Variants in TUBGCP2 observed in about 807,000 individuals in gnomAD.
TUBGCP2 encodes the protein gamma-tubulin complex component 2.
In TUBGCP2, 55 loss-of-function variants were observed where a neutral mutation model predicts 92.2. The ratio of observed to expected loss-of-function variants is 0.60; its 90% CI spans 0.48 to 0.75. TUBGCP2 has a LOEUF of 0.75. TUBGCP2 is among the 30% of genes least tolerant of loss of function. The pLI, the probability that TUBGCP2 is intolerant of heterozygous loss-of-function variation, is 0.00. For missense variants in TUBGCP2, 1,093 were observed against 1,188.9 expected, an observed-to-expected ratio of 0.92 and a Z score of 1.19; for synonymous variants, 533 against 505.2, an observed-to-expected ratio of 1.06 and a Z score of -0.74.
upstream of TUBGCP2, chr10:133,310,442 C>A: frequency 1.0e-6 from 1 of 987,236 alleles, no homozygotes. Flanking sequence ...GGCAACACAG[C>A]TACAGGTGGT....
chr10:133,311,712 G>A (rs758831478), upstream of TUBGCP2: 25 of 1,610,582 alleles, frequency 1.6e-5, no homozygotes, highest in South Asian at 7.7e-5. Flanking sequence ...CTCTCTCCCC[G>A]CAGCCCAGCC....
At chr10:133,308,674 G>T (rs1011568032) in intron 1 of TUBGCP2, 149 bp downstream of exon 1, 1 of 257,558 alleles carries the variant, frequency 3.9e-6, no homozygotes, top group East Asian at 7.0e-5. Context: ...AAGGGCTTCG[G>T]CCCCAGAGTT....
intron 5 of TUBGCP2, chr10:133,295,429 G>C (rs1225376504): frequency 6.6e-6 from 1 of 152,272 alleles, no homozygotes; most frequent in Non-Finnish European, 1.5e-5. Context: ...CCTAGGCAAC[G>C]AAGTGAGACC....
At position 133,288,846 on chromosome 10, in the gene TUBGCP2, T is replaced by C; in HGVS notation, c.1535A>G (p.His512Arg). 3 of 1,609,378 alleles carry C rather than the reference T, an allele frequency of 1.9e-6. No homozygotes were observed. The highest frequency in any genetic ancestry group is 2.5e-6 in the Non-Finnish European group (3 of 1,177,426). ...GGACAGGGCACGGAATCACCTGAGGTGAGCCACCAGCTCCTTCTCCTCCAT... is the reference window on the plus strand; with the variant it reads ...GGACAGGGCACGGAATCACCTGAGGCGAGCCACCAGCTCCTTCTCCTCCAT... The part of the protein sequence containing the change: ...FLMEEKELVA[H>R]LRSIKRYFLM... Residue 512 changes from histidine (H) to arginine (R), a missense_variant, in exon 10 of 18, where the codon CAC becomes CGC. By Grantham distance (29) the His-to-Arg change is conservative. This residue lies in a region of TUBGCP2 where 598 missense variants were observed against 675.5 expected (regional missense o/e 0.89). Coordinates refer to ENST00000252936, the MANE Select transcript of TUBGCP2 (RefSeq NM_006659.4).
chr10:133,301,055 G>A (rs3008349), intron 2 of TUBGCP2, among the ~76,000 whole-genome samples: 2 of 151,924 alleles, frequency 1.3e-5, no homozygotes, highest in Non-Finnish European at 1.5e-5. Flanking sequence ...TGTATTCCCC[G>A]CAGTAGTTTA....
chr10:133,305,885 C>A (rs566510907), intron 1 of TUBGCP2, among the ~76,000 whole-genome samples: 1 of 152,396 alleles, frequency 6.6e-6, no homozygotes, highest in South Asian at 2.1e-4. Context: ...GAGCCCCATG[C>A]AGTCTGGACA....
chr10:133,311,659 G>C (rs1847990474), upstream of TUBGCP2: 4 of 1,437,286 alleles, frequency 2.8e-6, no homozygotes, highest in Non-Finnish European at 3.8e-6. Flanking sequence ...CATTTCTGGG[G>C]AACACAGGGG....
intron 1 of TUBGCP2, among the ~76,000 whole-genome samples, chr10:133,306,102 C>T (rs1847812388): frequency 6.6e-6 from 1 of 152,230 alleles, no homozygotes; most frequent in Non-Finnish European, 1.5e-5. Context: ...GGCACCATTG[C>T]TCCCTGGAGG....
chr10:133,299,889 G>A, intron 3 of TUBGCP2, 96 bp downstream of exon 3: 3 of 1,507,458 alleles, frequency 2.0e-6, no homozygotes, highest in Non-Finnish European at 2.7e-6. Flanking sequence ...GCGAGGAAGA[G>A]CTGACAGGAA....
chr10:133,311,062 A>G (rs1847980246), upstream of TUBGCP2, among the ~76,000 whole-genome samples: 1 of 152,214 alleles, frequency 6.6e-6, no homozygotes, highest in Non-Finnish European at 1.5e-5. Flanking sequence ...TCAGCCTCCC[A>G]AAGTGCTGAG....
upstream of TUBGCP2, chr10:133,312,031 A>T: frequency 6.5e-7 from 1 of 1,532,906 alleles, no homozygotes; most frequent in Non-Finnish European, 8.8e-7. Flanking sequence ...TTTCTCTCGC[A>T]TACTCTGTTT....
At chr10:133,309,096 G>A (rs1403281727), upstream of TUBGCP2, 2 of 1,317,192 alleles carry the variant, frequency 1.5e-6, no homozygotes, top group Non-Finnish European at 1.9e-6. Context: ...AGTTCTTCGA[G>A]GTGCGTGAGC....
In TUBGCP2 at chr10:133,292,044, TCCGTGTCCCCCATGTCCCTCCGTGTCCC is replaced by T. The variant is rs1564939734; in HGVS notation, c.1214+427_1214+454del. On this transcript the variant is annotated intron_variant, in intron 8 of 17. Transcript: ENST00000252936. ...GTCCCTCTGTGTCCCTCCGTGTCCC[TCCGTGTCCCCCATGTCCCTCCGTGTCCC>T]CCGTGTCCCTCCGTGTCCCTCCGTG... Among the ~76,000 whole-genome samples the T allele has an allele frequency of 1.1e-3, 8 of 7,524 alleles. 4 individuals carry two copies. Among genetic ancestry groups the T allele is most frequent in the Non-Finnish European group, 2.1e-3 (8 of 3,842 alleles). The allele number at this position is 7,524 out of a possible 152,430, so 4.9% of individuals were successfully genotyped here. A position where few individuals can be genotyped will look rare whatever the true frequency, so the allele number is the denominator to read the frequency against.
rs1847417027 is a variant in TUBGCP2 at position 133,293,592 on chromosome 10, G to A, written c.794C>T (p.Pro265Leu). 2 of 1,556,178 alleles carry A rather than the reference G, an allele frequency of 1.3e-6. No homozygotes were observed. Among genetic ancestry groups the A allele is most frequent in the Non-Finnish European group, 1.7e-6 (2 of 1,149,972 alleles). The stretch of plus-strand genomic sequence containing the variant: ...CACAGCGGAGTAGCTGGCGGCCACT[G>A]GGAGGATCCTGTGCACCAGCTCCCT... ...SIRELVHRIL[P>L]VAASYSAVTR... The change falls in exon 6 of 18, where the codon CCA (proline) becomes CTA (leucine). Residue 265 changes from proline to leucine, a missense_variant. Pro to Leu is a moderately conservative substitution (Grantham distance 98, BLOSUM62 -3). Around this residue, in one of 3 missense-constraint regions of TUBGCP2, gnomAD observed 490 missense variants for 488.5 expected, o/e 1.00. Transcript: ENST00000252936.
upstream of TUBGCP2, chr10:133,309,007 C>G (rs1384339296): frequency 1.5e-5 from 19 of 1,252,020 alleles, no homozygotes; most frequent in Non-Finnish European, 1.8e-5. Flanking sequence ...GGAGCCGCTG[C>G]CTGTAGAGCG....
rs1386648793 is a variant in TUBGCP2 at position 133,298,226 on chromosome 10, A to G, written c.457-115T>C. 6.1e-6 allele frequency: 7 copies of G among 1,147,130 alleles called. No individual in the cohort carries two copies. The African/African-American group carries it at 9.3e-5, about 15-fold the overall frequency. The allele number at this position is 1,147,130 out of a possible 1,614,324, so 71.1% of individuals were successfully genotyped here. A position where few individuals can be genotyped will look rare whatever the true frequency, so the allele number is the denominator to read the frequency against. On this transcript the variant is annotated intron_variant, in intron 4 of 17. Coordinates refer to ENST00000252936, the MANE Select transcript of TUBGCP2 (RefSeq NM_006659.4). Reference sequence around the variant, plus strand: ...GGCAAAGATGATTACTCAATTCAACACCCACAAAGGGTCAACCACATAGAA... The same window carrying G: ...GGCAAAGATGATTACTCAATTCAACGCCCACAAAGGGTCAACCACATAGAA...
intron 5 of TUBGCP2, among the ~76,000 whole-genome samples, chr10:133,296,904 G>A (rs114105343): frequency 0.017 from 2,533 of 152,294 alleles, 73 homozygotes; most frequent in African/African-American, 0.057. Context: ...TGGGGATGAG[G>A]AAAACAGGTG....
chr10:133,311,020 G>A (rs769908225), upstream of TUBGCP2, among the ~76,000 whole-genome samples: 5 of 152,180 alleles, frequency 3.3e-5, no homozygotes, highest in Non-Finnish European at 5.9e-5. Flanking sequence ...CAGTCTGGTC[G>A]TGAACTCCTG....
In TUBGCP2 at chr10:133,279,634, G is replaced by A; in HGVS notation, c.*132C>T. On this transcript the variant is annotated 3_prime_UTR_variant, in exon 18 of 18. Coordinates refer to ENST00000252936, the MANE Select transcript of TUBGCP2 (RefSeq NM_006659.4). ...CCCAGCGCCTTGAGAAACAAAGTGA[G>A]CTGAGTCAATCATTCCTGCTTTATA... The A allele has an allele frequency of 7.6e-7, 1 of 1,319,708 alleles. No individual in the cohort carries two copies. The highest frequency in any genetic ancestry group is 9.8e-7 in the Non-Finnish European group (1 of 1,015,828). The allele number at this position is 1,319,708 out of a possible 1,614,324, so 81.7% of individuals were successfully genotyped here. A position where few individuals can be genotyped will look rare whatever the true frequency, so the allele number is the denominator to read the frequency against.
Sources: gnomAD v4.1 joint callset for allele counts (sites outside exome capture counted in the v4.1 genomes callset) on GRCh38, gnomAD v4.1.1 for gene constraint, gnomAD v4.1.1 regional missense constraint, MANE v1.5 for transcripts, NCBI Gene and HGNC (gene_info 2026-07-23, HGNC 2026-07-21) for gene names.